GATA3: variants seen among roughly 807,000 people sequenced by gnomAD.
GATA3 encodes the protein trans-acting T-cell-specific transcription factor GATA-3.
Under a neutral mutation model 36.0 loss-of-function variants are expected in GATA3, and 6 were observed. The ratio of observed to expected loss-of-function variants is 0.17; its 90% CI spans 0.09 to 0.33. The LOEUF (loss-of-function observed/expected upper bound fraction) is 0.33, where lower values mean the gene tolerates loss of function less well. Ranked by LOEUF, GATA3 falls within the 10% of genes least tolerant of loss-of-function variation. The pLI, the probability that GATA3 is intolerant of heterozygous loss-of-function variation, is 1.00. For synonymous variants in GATA3, 326 were observed against 273.0 expected (o/e 1.19, Z -1.92); for missense variants, 514 against 610.1 (o/e 0.84, Z 1.66).
In GATA3 at chr10:8,055,989, A is replaced by G. The variant is rs1832629737; in HGVS notation, c.241+93A>G. The G allele has an allele frequency of 1.3e-6, 2 of 1,496,398 alleles. No individual in the cohort carries two copies. The highest frequency in any genetic ancestry group is 1.8e-6 in the Non-Finnish European group (2 of 1,100,994). 92.7% of individuals were successfully genotyped at this position (1,496,398 alleles called of 1,614,324 possible). ...AGGGACCTGAGGGCGGGGAGAGGTC[A>G]AGCGAAAGCCCCCATCTGCCGTTCC... On this transcript the variant is annotated intron_variant, in intron 2 of 5. Coordinates refer to ENST00000379328, the MANE Select transcript of GATA3 (RefSeq NM_001002295.2). The surrounding 1 kb of genome is among the most constrained non-coding windows in gnomAD (Gnocchi z 5.4).
intron 4 of GATA3, 100 bp downstream of exon 4, chr10:8,064,238 G>T: frequency 7.0e-7 from 1 of 1,429,536 alleles, no homozygotes; most frequent in Non-Finnish European, 9.8e-7. Context: ...TGACAGGATA[G>T]CCTCCAATCG....
chr10:8,071,239 G>C (rs1832926311), intron 5 of GATA3, among the ~76,000 whole-genome samples: 2 of 152,204 alleles, frequency 1.3e-5, no homozygotes, highest in South Asian at 2.1e-4. Context: ...GGCTGAGAAA[G>C]TATAAGAGTC....
chr10:8,053,318 T>G (rs918466351), upstream of GATA3: 2 of 152,196 alleles, frequency 1.3e-5, no homozygotes, highest in East Asian at 3.9e-4. The surrounding 1 kb of genome is among the most constrained non-coding windows in gnomAD (Gnocchi z 5.1). Context: ...ATCGGTGGGA[T>G]AGCCTGCGGG....
At chr10:8,057,795 C>G (rs1294158392) in intron 2 of GATA3, among the ~76,000 whole-genome samples, 1 of 152,132 alleles carries the variant, frequency 6.6e-6, no homozygotes, top group Non-Finnish European at 1.5e-5. Context: ...ACTCCAGGGT[C>G]GTTTTCTGGT....
At chr10:8,065,248 C>CTTACTT (rs1832815902) in intron 4 of GATA3, among the ~76,000 whole-genome samples, 2 of 125,766 alleles carry the variant, frequency 1.6e-5, no homozygotes, top group African/African-American at 6.6e-5. Context: ...GAAGGAAAAA[C>CTTACTT]TTTCTTTTTT....
chr10:8,060,159 T>C (rs551708466), intron 3 of GATA3, among the ~76,000 whole-genome samples: 2 of 152,336 alleles, frequency 1.3e-5, no homozygotes, highest in South Asian at 4.1e-4. Context: ...TCTATTTAGT[T>C]GATATGTTTT....
At chr10:8,071,438 T>C (rs2131515204) in intron 5 of GATA3, among the ~76,000 whole-genome samples, 1 of 152,308 alleles carries the variant, frequency 6.6e-6, no homozygotes, top group South Asian at 2.1e-4. Flanking sequence ...TAGCTATATG[T>C]TTTTTTGAAT....
In GATA3 at chr10:8,054,788, A is replaced by G. The variant is rs1392991125; in HGVS notation, c.-473A>G. The G allele has an allele frequency of 6.6e-6, 1 of 150,554 alleles. No homozygotes were observed. Among genetic ancestry groups the G allele is most frequent in the Non-Finnish European group, 1.5e-5 (1 of 67,700 alleles). 9.3% of individuals were successfully genotyped at this position (150,554 alleles called of 1,614,324 possible). ...TGAGAGAGGGAGAGAGAGAGAGAAG[A>G]AGAGAGAGAGACGGAGGGAGAGCGA... On this transcript the variant is annotated 5_prime_UTR_variant, in exon 1 of 6. Coordinates refer to ENST00000379328, the MANE Select transcript of GATA3 (RefSeq NM_001002295.2). The surrounding 1 kb of genome is among the most constrained non-coding windows in gnomAD (Gnocchi z 4.2).
intron 4 of GATA3, among the ~76,000 whole-genome samples, chr10:8,065,700 GTTTTTTTTTTTTT>G (rs748515966): frequency 1.6e-5 from 1 of 62,290 alleles, no homozygotes; most frequent in Non-Finnish European, 2.8e-5. Flanking sequence ...CAGCAGTTTG[GTTTTTTTTTTTTT>G]TTTTTTTTTT....
chr10:8,064,311 C>CTTTTTT (rs59943653), intron 4 of GATA3, among the ~76,000 whole-genome samples, 173 bp downstream of exon 4: 4 of 51,440 alleles, frequency 7.8e-5, no homozygotes, highest in Non-Finnish European at 1.1e-4. Flanking sequence ...TCTTCTTCTT[C>CTTTTTT]TTTTTTTTTT....
chr10:8,066,790 C>A (rs1474636535), intron 4 of GATA3, among the ~76,000 whole-genome samples: 1 of 152,134 alleles, frequency 6.6e-6, no homozygotes, highest in Non-Finnish European at 1.5e-5. Context: ...CTGCTAGTGA[C>A]CCAAACAGTG....
chr10:8,067,694 T>C (rs1046543618), intron 4 of GATA3, among the ~76,000 whole-genome samples: 8 of 139,744 alleles, frequency 5.7e-5, no homozygotes, highest in Non-Finnish European at 1.2e-4. Flanking sequence ...GGCGGGCGCC[T>C]GTAGTCCCAG....
chr10:8,058,267 C>G, intron 2 of GATA3, 38 bp from the exon 3 acceptor site: 1 of 1,610,568 alleles, frequency 6.2e-7, no homozygotes, highest in East Asian at 2.2e-5. Context: ...CACACTCACC[C>G]TCCTTCTCTC....
chr10:8,065,326 C>CG (rs1564401998), intron 4 of GATA3, among the ~76,000 whole-genome samples: 1 of 138,866 alleles, frequency 7.2e-6, no homozygotes, highest in African/African-American at 2.8e-5. Context: ...GGCACGATCT[C>CG]GGCTCACTGC....
At chr10:8,072,414 C>T (rs766881409) in intron 5 of GATA3, among the ~76,000 whole-genome samples, 1 of 152,174 alleles carries the variant, frequency 6.6e-6, no homozygotes, top group Non-Finnish European at 1.5e-5. Context: ...TTGCCACCCT[C>T]CCCTGGGAAC....
Position 8,073,876 on chromosome 10 carries a change from C to T in GATA3, c.1188C>T (p.Ala396=), listed in dbSNP as rs2131521552. 6.2e-7 allele frequency: 1 copy of T among 1,614,110 alleles called. No individual in the cohort carries two copies. Among genetic ancestry groups the T allele is most frequent in the Non-Finnish European group, 8.5e-7 (1 of 1,180,014 alleles). The change falls in exon 6 of 6, where the codon GCC becomes GCT. Residue 396 remains alanine, a synonymous_variant. Transcript: ENST00000379328. The part of the protein sequence containing the change: ...FPKNSSFNPA[A]LSRHMSSLSH... ...AGAACAGCTCGTTTAACCCGGCCGCCCTCTCCAGACACATGTCCTCCCTGA... is the reference window on the plus strand; with the variant it reads ...AGAACAGCTCGTTTAACCCGGCCGCTCTCTCCAGACACATGTCCTCCCTGA...
chr10:8,062,737 G>A (rs935358125), intron 3 of GATA3, among the ~76,000 whole-genome samples: 7 of 152,070 alleles, frequency 4.6e-5, no homozygotes, highest in African/African-American at 7.2e-5. Flanking sequence ...CCTACCCTCC[G>A]GGGTCCTCCT....
intron 4 of GATA3, among the ~76,000 whole-genome samples, chr10:8,065,903 G>A (rs1222240820): frequency 3.1e-5 from 3 of 95,748 alleles, no homozygotes; most frequent in East Asian, 2.9e-4. Context: ...TGTTAGTGCA[G>A]AATGAATATG....
intron 3 of GATA3, among the ~76,000 whole-genome samples, chr10:8,061,871 C>T (rs1227819925): frequency 6.6e-6 from 1 of 152,230 alleles, no homozygotes; most frequent in Non-Finnish European, 1.5e-5. Context: ...CCAACCACAG[C>T]GGCCTCTCCT....
Sources: allele counts gnomAD v4.1 joint callset (sites outside exome capture counted in the v4.1 genomes callset), GRCh38; gene constraint gnomAD v4.1.1; non-coding constraint Gnocchi (gnomAD v3.1); transcripts MANE v1.5; gene names NCBI Gene and HGNC (gene_info 2026-07-23, HGNC 2026-07-21).